PAX2: variants seen among roughly 807,000 people sequenced by gnomAD.
PAX2 encodes the protein paired box protein Pax-2.
PAX2 carries 9 observed loss-of-function variants against 41.7 expected under a neutral mutation model. The observed-to-expected ratio is 0.22, with a 90% CI of 0.13 to 0.38. The LOEUF (loss-of-function observed/expected upper bound fraction) is 0.38, where lower values mean the gene tolerates loss of function less well. Ranked by LOEUF, PAX2 falls within the 10% of genes least tolerant of loss-of-function variation. PAX2 has a pLI of 1.00. For missense variants in PAX2, 418 were observed against 531.6 expected (o/e 0.79, Z 2.10); for synonymous variants, 221 against 212.7 (o/e 1.04, Z -0.34).
At chr10:100,787,811 C>T (rs936460513) in intron 5 of PAX2, among the ~76,000 whole-genome samples, 16 of 151,762 alleles carry the variant, frequency 1.1e-4, no homozygotes, top group South Asian at 6.3e-4. Context: ...GTGTGAGGAG[C>T]GAGGAAATGG....
upstream of PAX2, among the ~76,000 whole-genome samples, chr10:100,743,644 C>G (rs1056335012): frequency 1.3e-5 from 2 of 152,366 alleles, no homozygotes; most frequent in Non-Finnish European, 1.5e-5. Flanking sequence ...CACCTGAGAT[C>G]CCTTGCACTC....
intron 3 of PAX2, among the ~76,000 whole-genome samples, chr10:100,755,723 T>G (rs558499336): frequency 6.6e-6 from 1 of 152,172 alleles, no homozygotes; most frequent in African/African-American, 2.4e-5. Context: ...CCCATCTGTC[T>G]GCATGAAAAC....
upstream of PAX2, among the ~76,000 whole-genome samples, chr10:100,744,705 A>AC (rs1322816144): frequency 6.6e-6 from 1 of 151,272 alleles, no homozygotes; most frequent in Non-Finnish European, 1.5e-5. Context: ...CCTCCCCTGT[A>AC]CCCCCTTCCC....
At chr10:100,789,566 C>G (rs1589858470) in intron 5 of PAX2, among the ~76,000 whole-genome samples, 1 of 152,340 alleles carries the variant, frequency 6.6e-6, no homozygotes, top group Non-Finnish European at 1.5e-5. Context: ...AACCATCTGT[C>G]TAGACAAGTT....
chr10:100,825,046 C>T, intron 8 of PAX2: 2 of 1,319,348 alleles, frequency 1.5e-6, no homozygotes, highest in Non-Finnish European at 2.2e-6. Flanking sequence ...AGCACTCAGC[C>T]TCAGCTCCAC....
Position 100,745,832 on chromosome 10 carries a change from C to T in PAX2, c.-429C>T, listed in dbSNP as rs1305281030. The T allele has an allele frequency of 8.2e-6, 9 of 1,101,910 alleles. No individual in the cohort carries two copies. The highest frequency in any genetic ancestry group is 9.9e-6 in the Non-Finnish European group (9 of 904,612). 68.3% of individuals were successfully genotyped at this position (1,101,910 alleles called of 1,614,324 possible). ...TGGAGAGGCCCGGCTCCCCTCCCGG[C>T]GCCCTCTGACCGCCCCCGCCCCGCG... On this transcript the variant is annotated 5_prime_UTR_variant, in exon 1 of 10. Coordinates refer to ENST00000355243, the MANE Select transcript of PAX2 (RefSeq NM_000278.5).
At chr10:100,799,223 AT>A (rs1297761242) in intron 5 of PAX2, among the ~76,000 whole-genome samples, 5 of 149,768 alleles carry the variant, frequency 3.3e-5, no homozygotes, top group Non-Finnish European at 7.4e-5. Context: ...CCCAAGGCCC[AT>A]CACCCACTGG....
rs115051036 is a variant in PAX2, at chr10:100,799,114, G to A, written c.617-7316G>A. On this transcript the variant is annotated intron_variant, in intron 5 of 9. Transcript: ENST00000355243. ...GTAATGTGTGGAGTAGCTAGGCAGA[G>A]AGAGCACCTTCTGAGCAGAGGCCAC... Among the ~76,000 whole-genome samples, 1,143 of 152,352 alleles carry A rather than the reference G, an allele frequency of 7.5e-3. 18 individuals carry two copies. The highest frequency in any genetic ancestry group is 0.026 in the African/African-American group (1,077 of 41,582).
rs1206434445 is a variant in PAX2, at chr10:100,769,624, A to AAAAATAAATAAAAT, written c.411-9873_411-9872insAAATAAATAAAATA. On this transcript the variant is annotated intron_variant, in intron 3 of 9. Transcript: ENST00000355243. ...CAACAGTGTGAGACTCCATCTCAAA[A>AAAAATAAATAAAAT]AGAATAAAATAAAATAAAATAAAAT... Among the ~76,000 whole-genome samples, 49 of 81,184 alleles carry AAAAATAAATAAAAT rather than the reference A, an allele frequency of 6.0e-4. No homozygotes were observed. The Admixed American group carries it at 6.3e-3, about 10-fold the overall frequency. 53.3% of individuals were successfully genotyped at this position (81,184 alleles called of 152,430 possible).
At chr10:100,741,019 G>A (rs1844933150), upstream of PAX2, among the ~76,000 whole-genome samples, 1 of 152,238 alleles carries the variant, frequency 6.6e-6, no homozygotes, top group Admixed American at 6.5e-5. Context: ...GGCAGCTTTG[G>A]TGGCCAAGTG....
In PAX2 at chr10:100,826,988, C is replaced by T; in HGVS notation, c.1022-21C>T. The T allele has an allele frequency of 2.5e-6, 4 of 1,581,656 alleles. No individual in the cohort carries two copies. The highest frequency in any genetic ancestry group is 3.5e-6 in the Non-Finnish European group (4 of 1,150,894). ...CCCTGGCTTGCAGGCGTCTGATCCCCACTCCCCGACCCTCCCGCAGGGAGC... is the reference window on the plus strand; with the variant it reads ...CCCTGGCTTGCAGGCGTCTGATCCCTACTCCCCGACCCTCCCGCAGGGAGC... On this transcript the variant is annotated intron_variant, in intron 8 of 9. Coordinates refer to ENST00000355243, the MANE Select transcript of PAX2 (RefSeq NM_000278.5). The surrounding 1 kb of genome is among the most constrained non-coding windows in gnomAD (Gnocchi z 5.5).
rs146091177 is a variant in PAX2 at position 100,815,865 on chromosome 10, A to G, written c.919+6629A>G. Among the ~76,000 whole-genome samples, 678 of 152,234 alleles carry G rather than the reference A, an allele frequency of 4.5e-3. 5 individuals carry two copies. The highest frequency in any genetic ancestry group is 6.8e-3 in the Non-Finnish European group (464 of 68,004). On this transcript the variant is annotated intron_variant, in intron 7 of 9. Coordinates refer to ENST00000355243, the MANE Select transcript of PAX2 (RefSeq NM_000278.5). ...CCTGTGCTGCTGGGCTGCCCTTCCC[A>G]GGAGGGTGCCATGGCAGAAGTACCC... is the stretch of plus-strand genomic sequence containing the variant.
Position 100,827,667 on chromosome 10 carries a change from A to T in PAX2, c.*48A>T. On this transcript the variant is annotated 3_prime_UTR_variant, in exon 10 of 10. Coordinates refer to ENST00000355243, the MANE Select transcript of PAX2 (RefSeq NM_000278.5). The surrounding 1 kb of genome is among the most constrained non-coding windows in gnomAD (Gnocchi z 8.5). ...CTTCAGGCCGACAGCTTCGGCCTCC[A>T]CATCGTCCCCGTCTGACCCCACCCC... 6.2e-7 allele frequency: 1 copy of T among 1,613,278 alleles called. No homozygotes were observed. Among genetic ancestry groups the T allele is most frequent in the Non-Finnish European group, 8.5e-7 (1 of 1,179,752 alleles).
chr10:100,781,040 G>A (rs1016902050), intron 4 of PAX2, among the ~76,000 whole-genome samples: 2 of 152,156 alleles, frequency 1.3e-5, no homozygotes, highest in African/African-American at 4.8e-5. Context: ...CTCAGGGCTG[G>A]ACAGAAGTGA....
intron 5 of PAX2, among the ~76,000 whole-genome samples, chr10:100,802,770 T>A (rs1847610642): frequency 6.6e-6 from 1 of 152,144 alleles, no homozygotes; most frequent in Non-Finnish European, 1.5e-5. Context: ...GGATAGGGGA[T>A]CTTCTTTGAA....
intron 5 of PAX2, among the ~76,000 whole-genome samples, chr10:100,788,081 TTCTCCC>T (rs1564727542): frequency 6.6e-6 from 1 of 152,036 alleles, no homozygotes; most frequent in Non-Finnish European, 1.5e-5. Flanking sequence ...AAATTAACAT[TTCTCCC>T]TCTCCCTCTC....
At chr10:100,785,655 T>G (rs1425113044) in intron 5 of PAX2, among the ~76,000 whole-genome samples, 3 of 152,134 alleles carry the variant, frequency 2.0e-5, no homozygotes, top group Non-Finnish European at 4.4e-5. Context: ...CAGGTTAGAC[T>G]TGGAGCAAAT....
chr10:100,739,134 C>T (rs1439456390), intron 1 of PAX2, among the ~76,000 whole-genome samples: 3 of 151,966 alleles, frequency 2.0e-5, no homozygotes, highest in Non-Finnish European at 2.9e-5. Flanking sequence ...ACCCCTGGGA[C>T]GTCCTGGCTC....
chr10:100,812,170 G>A (rs1848011441), intron 7 of PAX2, among the ~76,000 whole-genome samples: 2 of 152,224 alleles, frequency 1.3e-5, no homozygotes, highest in African/African-American at 4.8e-5. Flanking sequence ...TTCCATCAGG[G>A]AACCGAGGAG....
Sources: gnomAD v4.1 joint callset for allele counts (sites outside exome capture counted in the v4.1 genomes callset) on GRCh38, gnomAD v4.1.1 for gene constraint, Gnocchi (gnomAD v3.1) non-coding constraint, MANE v1.5 for transcripts, NCBI Gene and HGNC (gene_info 2026-07-23, HGNC 2026-07-21) for gene names.